CPED1: variants seen among roughly 807,000 people sequenced by gnomAD.
The protein encoded by CPED1 is cadherin-like and PC-esterase domain-containing protein 1.
In CPED1, 114 loss-of-function variants were observed where a neutral mutation model predicts 128.2. The ratio of observed to expected loss-of-function variants is 0.89; its 90% confidence interval spans 0.76 to 1.04. CPED1 has a LOEUF of 1.04. CPED1 is among the 50% of genes least tolerant of loss of function. CPED1 has a pLI of 0.00. For synonymous variants in CPED1, 462 were observed against 426.7 expected (o/e 1.08, Z -1.02); for missense variants, 1,211 against 1,207.1 (o/e 1.00, Z -0.05).
At chr7:121,085,992 T>G (rs1468953589) in intron 5 of CPED1, among the ~76,000 whole-genome samples, 1 of 152,184 alleles carries the variant, frequency 6.6e-6, no homozygotes, top group African/African-American at 2.4e-5. Flanking sequence ...GATCCAAATA[T>G]TGCAGAAGCA....
At chr7:121,142,343 G>A (rs969441566) in intron 16 of CPED1, among the ~76,000 whole-genome samples, 2 of 151,982 alleles carry the variant, frequency 1.3e-5, no homozygotes. Context: ...GATGGCTACT[G>A]TCTGTGCTCA....
At chr7:121,068,452 C>G (rs1451754653) in intron 5 of CPED1, among the ~76,000 whole-genome samples, 2 of 151,862 alleles carry the variant, frequency 1.3e-5, no homozygotes, top group Admixed American at 6.6e-5. Flanking sequence ...TCTGAGGGCT[C>G]TGTTCTGTTC....
chr7:121,015,730 T>A lies in CPED1; in HGVS notation c.315T>A (p.Pro105=), dbSNP rs1792284585. The part of the protein sequence containing the change: ...HGRRAILYRP[P]FYSKTELQLH... ...GAAGGGCCATACTCTACAGGCCTCC[T>A]TTCTACAGCAAAACAGAGCTTCAGC... The change falls in exon 3 of 23, where the codon CCT becomes CCA. Residue 105 remains proline, a synonymous_variant. Transcript: ENST00000310396. The A allele has an allele frequency of 6.2e-7, 1 of 1,611,994 alleles. No homozygotes were observed.
intron 16 of CPED1, among the ~76,000 whole-genome samples, chr7:121,158,394 G>A (rs1266238766): frequency 1.3e-5 from 2 of 152,104 alleles, no homozygotes; most frequent in Non-Finnish European, 2.9e-5. Context: ...AGCCCTCCCT[G>A]CCAACTGGAC....
intron 16 of CPED1, among the ~76,000 whole-genome samples, chr7:121,220,855 A>G (rs1368477343): frequency 6.6e-6 from 1 of 152,040 alleles, no homozygotes; most frequent in Non-Finnish European, 1.5e-5. Context: ...TCAAGTATAT[A>G]TACTAACACT....
chr7:121,255,961 A>G (rs1791847383), intron 18 of CPED1, among the ~76,000 whole-genome samples: 1 of 151,988 alleles, frequency 6.6e-6, no homozygotes, highest in Non-Finnish European at 1.5e-5. Flanking sequence ...AATAATTAAT[A>G]TTGTTAAAAT....
At chr7:121,028,691 T>C (rs550508221) in intron 3 of CPED1, among the ~76,000 whole-genome samples, 2 of 152,314 alleles carry the variant, frequency 1.3e-5, no homozygotes, top group South Asian at 2.1e-4. Context: ...GGAAAAAACA[T>C]TGGCCTAGGT....
chr7:121,051,033 TA>T, intron 4 of CPED1: 1 of 542,480 alleles, frequency 1.8e-6, no homozygotes. Context: ...CAGCGAAGGA[TA>T]AATCTTCAGG....
chr7:121,040,505 A>G (rs527421879), intron 3 of CPED1, among the ~76,000 whole-genome samples: 95 of 152,214 alleles, frequency 6.2e-4, no homozygotes, highest in African/African-American at 2.2e-3. Context: ...ATTAACTTAT[A>G]TCCAACTAAT....
chr7:121,132,357 C>T (rs1018518770), intron 12 of CPED1, among the ~76,000 whole-genome samples: 5 of 152,020 alleles, frequency 3.3e-5, no homozygotes, highest in African/African-American at 1.2e-4. Flanking sequence ...GGGAGGCCAT[C>T]ATTGTCCTTA....
At chr7:121,192,964 T>C (rs918859587) in intron 16 of CPED1, among the ~76,000 whole-genome samples, 21 of 152,184 alleles carry the variant, frequency 1.4e-4, no homozygotes, top group Non-Finnish European at 1.9e-4. Context: ...TCAAGTAAAA[T>C]CATTCTGGGA....
chr7:121,155,851 A>G (rs774744010), intron 16 of CPED1, among the ~76,000 whole-genome samples: 14 of 152,294 alleles, frequency 9.2e-5, no homozygotes, highest in Admixed American at 5.9e-4. Flanking sequence ...AAATTAGACA[A>G]TCAGGATTAC....
chr7:121,132,910 A>G (rs17283542), intron 12 of CPED1, among the ~76,000 whole-genome samples: 15,725 of 152,046 alleles, frequency 0.1, 864 homozygotes, highest in South Asian at 0.17. Flanking sequence ...TTTAGCAATA[A>G]TTTTAATTCC....
chr7:121,203,427 C>T (rs1713946489), intron 16 of CPED1, among the ~76,000 whole-genome samples: 1 of 152,156 alleles, frequency 6.6e-6, no homozygotes, highest in East Asian at 1.9e-4. Flanking sequence ...CTTTGTGACT[C>T]CTGGTCATGT....
chr7:121,078,587 CCTAA>C (rs1794199111), intron 5 of CPED1, among the ~76,000 whole-genome samples: 1 of 149,946 alleles, frequency 6.7e-6, no homozygotes, highest in South Asian at 2.1e-4. Context: ...TTGCATATAT[CCTAA>C]CTATTTCTGT....
intron 16 of CPED1, chr7:121,195,038 T>A (rs1417508170): frequency 6.6e-6 from 1 of 152,206 alleles, no homozygotes; most frequent in Non-Finnish European, 1.5e-5. Flanking sequence ...TTTTAGTATA[T>A]GTGTTGGTGA....
At chr7:121,058,923 T>C (rs1460743229) in intron 4 of CPED1, among the ~76,000 whole-genome samples, 1 of 152,202 alleles carries the variant, frequency 6.6e-6, no homozygotes, top group East Asian at 1.9e-4. Context: ...CAAATTAAGA[T>C]TACTAATCCC....
chr7:121,253,815 G>A (rs1163564808), intron 18 of CPED1, among the ~76,000 whole-genome samples: 1 of 151,734 alleles, frequency 6.6e-6, no homozygotes, highest in African/African-American at 2.4e-5. Flanking sequence ...AAATTAAGAA[G>A]GACAAAGAAA....
chr7:121,115,686 A>C (rs1384520020), intron 7 of CPED1, among the ~76,000 whole-genome samples: 1 of 152,210 alleles, frequency 6.6e-6, no homozygotes, highest in African/African-American at 2.4e-5. Flanking sequence ...TACAGATATT[A>C]CCGGATTTCA....
Sources: gnomAD v4.1 joint callset for allele counts (sites outside exome capture counted in the v4.1 genomes callset) on GRCh38, gnomAD v4.1.1 for gene constraint, MANE v1.5 for transcripts, NCBI Gene and HGNC (gene_info 2026-07-23, HGNC 2026-07-21) for gene names.